The following SHISA9 variants were observed in gnomAD, a reference collection of about 807,000 sequenced individuals.
SHISA9 encodes the protein shisa family member 9.
A neutral mutation model predicts 38.0 loss-of-function variants in SHISA9; 13 were observed. The ratio of observed to expected loss-of-function variants is 0.34; its 90% CI spans 0.22 to 0.54. SHISA9 has a LOEUF of 0.54. Among genes scored for constraint, SHISA9 ranks in the 20% least tolerant of loss-of-function variants. The pLI is 0.91. For synonymous variants in SHISA9, 275 were observed against 242.0 expected, an observed-to-expected ratio of 1.14 and a Z score of -1.27; for missense variants, 538 against 575.8, an observed-to-expected ratio of 0.93 and a Z score of 0.67.
At chr16:13,015,519 C>T (rs764679618) in intron 2 of SHISA9, among the ~76,000 whole-genome samples, 12 of 152,198 alleles carry the variant, frequency 7.9e-5, no homozygotes, top group Non-Finnish European at 1.5e-4. Context: ...ACTCTATGCT[C>T]CCCAACAAAC....
chr16:13,430,216 T>C, the SHISA9 span, among the ~76,000 whole-genome samples: 7 of 152,256 alleles, frequency 4.6e-5, no homozygotes, highest in African/African-American at 1.2e-4. Flanking sequence ...CAGTCTGTGA[T>C]ACTTTCTTAA....
At chr16:12,906,743 A>G (rs1485288504) in intron 1 of SHISA9, among the ~76,000 whole-genome samples, 2 of 152,218 alleles carry the variant, frequency 1.3e-5, no homozygotes, top group Non-Finnish European at 2.9e-5. Flanking sequence ...CTTTATCTAG[A>G]TGAGGATTTC....
At chr16:13,265,405 T>C in the SHISA9 span, among the ~76,000 whole-genome samples, 4 of 104,698 alleles carry the variant, frequency 3.8e-5, no homozygotes, top group African/African-American at 1.1e-4. Flanking sequence ...CCTCTCCTCT[T>C]TCTCTCCTCC....
intron 2 of SHISA9, among the ~76,000 whole-genome samples, chr16:12,943,386 A>G (rs984424390): frequency 1.1e-5 from 1 of 93,430 alleles, no homozygotes; most frequent in East Asian, 2.9e-4. Flanking sequence ...AGAGAGAGAG[A>G]GAGAGATCCT....
At chr16:13,041,071 G>A (rs1288380024) in intron 2 of SHISA9, among the ~76,000 whole-genome samples, 2 of 152,196 alleles carry the variant, frequency 1.3e-5, no homozygotes, top group African/African-American at 4.8e-5. Context: ...AGCCTTTGCA[G>A]ATCCTGGGCT....
the SHISA9 span, among the ~76,000 whole-genome samples, chr16:13,524,830 G>T: frequency 6.6e-6 from 1 of 151,930 alleles, no homozygotes; most frequent in African/African-American, 2.4e-5. Flanking sequence ...GCCTCCCAAA[G>T]TGGGCAGGAT....
At chr16:13,170,849 GT>G (rs2050679477) in intron 2 of SHISA9, among the ~76,000 whole-genome samples, 1 of 152,076 alleles carries the variant, frequency 6.6e-6, no homozygotes, top group Admixed American at 6.6e-5. Flanking sequence ...TACAGATGGG[GT>G]TTCACCATGT....
chr16:13,262,631 T>TGGAAGGAAGGAAGGAAGGAAGGAA, the SHISA9 span, among the ~76,000 whole-genome samples: 289 of 77,984 alleles, frequency 3.7e-3, 5 homozygotes, highest in Admixed American at 5.5e-3. Context: ...ATTGTTATTG[T>TGGAAGGAAGGAAGGAAGGAAGGAA]GGAAGGAAGG....
the SHISA9 span, among the ~76,000 whole-genome samples, chr16:13,514,131 A>G: frequency 6.6e-6 from 1 of 152,004 alleles, no homozygotes; most frequent in Non-Finnish European, 1.5e-5. Flanking sequence ...AGTAGCTGGG[A>G]ATACAGGCAG....
chr16:12,996,360 G>A (rs1005132386), intron 2 of SHISA9, among the ~76,000 whole-genome samples: 2 of 152,220 alleles, frequency 1.3e-5, no homozygotes, highest in South Asian at 2.1e-4. Context: ...ATCAGCTGGA[G>A]GTGAGTAGCA....
the SHISA9 span, among the ~76,000 whole-genome samples, chr16:13,328,768 C>A: frequency 6.6e-6 from 1 of 152,162 alleles, no homozygotes; most frequent in South Asian, 2.1e-4. Context: ...CCACCATACC[C>A]AGCCTAGCAA....
the SHISA9 span, among the ~76,000 whole-genome samples, chr16:13,300,574 C>G: frequency 7.3e-4 from 111 of 152,264 alleles, no homozygotes; most frequent in African/African-American, 2.5e-3. Flanking sequence ...AAGAACTGAG[C>G]TGCCATGAAC....
At chr16:13,287,163 A>T in the SHISA9 span, among the ~76,000 whole-genome samples, 1 of 152,172 alleles carries the variant, frequency 6.6e-6, no homozygotes, top group East Asian at 1.9e-4. Flanking sequence ...TAATAACATG[A>T]TCTACGCTAT....
chr16:12,930,421 G>A (rs2071448265), intron 2 of SHISA9, among the ~76,000 whole-genome samples: 1 of 152,158 alleles, frequency 6.6e-6, no homozygotes, highest in African/African-American at 2.4e-5. Flanking sequence ...GCATTACCTG[G>A]CGATTATGAA....
chr16:12,937,850 T>G (rs1274229582), intron 2 of SHISA9, among the ~76,000 whole-genome samples: 1 of 151,878 alleles, frequency 6.6e-6, no homozygotes, highest in Non-Finnish European at 1.5e-5. Flanking sequence ...TCCATAACAG[T>G]GGATACTGGA....
At chr16:13,037,878 C>A (rs921706493) in intron 2 of SHISA9, among the ~76,000 whole-genome samples, 3 of 152,220 alleles carry the variant, frequency 2.0e-5, no homozygotes, top group African/African-American at 4.8e-5. Context: ...AGAGCCCTGA[C>A]TACTCCACCA....
intron 2 of SHISA9, among the ~76,000 whole-genome samples, chr16:13,023,351 A>C (rs567196597): frequency 6.6e-6 from 1 of 152,056 alleles, no homozygotes; most frequent in Admixed American, 6.5e-5. Flanking sequence ...ACATGAACTC[A>C]TCCTTTTTTA....
intron 2 of SHISA9, among the ~76,000 whole-genome samples, chr16:13,078,706 C>A (rs1417855245): frequency 1.3e-5 from 2 of 152,230 alleles, no homozygotes; most frequent in East Asian, 1.9e-4. Context: ...ACGCCTGGCC[C>A]CTTCTCAACT....
intron 2 of SHISA9, among the ~76,000 whole-genome samples, chr16:12,998,359 T>C (rs1186822381): frequency 6.6e-6 from 1 of 152,248 alleles, no homozygotes; most frequent in East Asian, 1.9e-4. Flanking sequence ...GCAGGTGTTC[T>C]TGGCTGGTAA....
Sources: gnomAD v4.1 joint callset for allele counts (sites outside exome capture counted in the v4.1 genomes callset) on GRCh38, gnomAD v4.1.1 for gene constraint, MANE v1.5 for transcripts, NCBI Gene and HGNC (gene_info 2026-07-23, HGNC 2026-07-21) for gene names.